Variants in TMEM131L observed in about 807,000 individuals in gnomAD.
TMEM131L encodes transmembrane protein 131-like.
TMEM131L carries 54 observed loss-of-function variants against 192.2 expected under a neutral mutation model. The ratio of observed to expected loss-of-function variants is 0.28; its 90% CI spans 0.23 to 0.35. The LOEUF is 0.35. Among genes scored for constraint, TMEM131L ranks in the 10% least tolerant of loss-of-function variants. The probability of loss-of-function intolerance (pLI) is 1.00; values close to 1 mark genes in which losing one functional copy is unlikely to be tolerated. For synonymous variants in TMEM131L, 701 were observed against 704.9 expected (o/e 0.99, Z 0.09); for missense variants, 1,888 against 1,972.9 (o/e 0.96, Z 0.82).
chr4:153,587,637 A>C, intron 14 of TMEM131L, 105 bp from the exon 15 acceptor site: 2 of 805,804 alleles, frequency 2.5e-6, no homozygotes, highest in East Asian at 2.5e-5. Flanking sequence ...GTTAAAGGGA[A>C]GTTCACTGAG....
intron 2 of TMEM131L, among the ~76,000 whole-genome samples, chr4:153,472,884 G>C (rs1206130393): frequency 6.6e-6 from 1 of 152,346 alleles, no homozygotes; most frequent in African/African-American, 2.4e-5. Context: ...CCACAGTCAA[G>C]TGCTGAAATA....
chr4:153,534,623 C>T (rs1261111221), intron 3 of TMEM131L, among the ~76,000 whole-genome samples: 4 of 152,000 alleles, frequency 2.6e-5, no homozygotes, highest in East Asian at 1.9e-4. Flanking sequence ...TTAGTAGAGA[C>T]GGGATTTCAC....
chr4:153,480,136 G>A lies in TMEM131L; in HGVS notation c.239+6248G>A, dbSNP rs574620239. Among the ~76,000 whole-genome samples the A allele has an allele frequency of 3.3e-5, 5 of 152,216 alleles. No individual in the cohort carries two copies. In the South Asian group the frequency reaches 8.3e-4, roughly 25 times the overall value. On this transcript the variant is annotated intron_variant, in intron 3 of 34. Coordinates refer to ENST00000409959, the MANE Select transcript of TMEM131L (RefSeq NM_001131007.2). Reference sequence around the variant, plus strand: ...GGGCAGATCAGGAGGTCAGGAGATCGAGACCATCCTGGCTAACAGGGTGAA... The same window carrying A: ...GGGCAGATCAGGAGGTCAGGAGATCAAGACCATCCTGGCTAACAGGGTGAA...
intron 31 of TMEM131L, 182 bp from the exon 32 acceptor site, chr4:153,632,536 A>C: frequency 1.6e-6 from 1 of 638,900 alleles, no homozygotes; most frequent in Non-Finnish European, 2.6e-6. Flanking sequence ...CTGTCTGAAG[A>C]AACGGTCAAA....
At chr4:153,623,114 C>T (rs564338122) in intron 29 of TMEM131L, 31 bp downstream of exon 29, 103 of 1,539,298 alleles carry the variant, frequency 6.7e-5, no homozygotes, top group East Asian at 4.3e-4. Flanking sequence ...CAGGCACTCT[C>T]GGTGGCCCTT....
At chr4:153,499,502 C>T (rs565500936) in intron 3 of TMEM131L, among the ~76,000 whole-genome samples, 3 of 151,466 alleles carry the variant, frequency 2.0e-5, no homozygotes, top group Admixed American at 1.3e-4. Flanking sequence ...TCTCAGCTCA[C>T]TACAACCTCT....
chr4:153,581,321 A>C, intron 8 of TMEM131L, 86 bp from the exon 9 acceptor site: 1 of 1,090,246 alleles, frequency 9.2e-7, no homozygotes, highest in Non-Finnish European at 1.3e-6. Context: ...CCATTACGTT[A>C]AATGCTTCTC....
chr4:153,550,528 G>A lies in TMEM131L; in HGVS notation c.308+387G>A, dbSNP rs147008356. Among the ~76,000 whole-genome samples the A allele has an allele frequency of 6.0e-3, 910 of 152,118 alleles. 11 individuals carry two copies. The highest frequency in any genetic ancestry group is 0.021 in the African/African-American group (852 of 41,496). ...TTTTTAGTAGAGACGGGGTTTCACC[G>A]TGTTCGCCAGGATGGTCTTGATCTC... On this transcript the variant is annotated intron_variant, in intron 4 of 34. Coordinates refer to ENST00000409959, the MANE Select transcript of TMEM131L (RefSeq NM_001131007.2).
chr4:153,528,324 A>G (rs1259141598), intron 3 of TMEM131L, among the ~76,000 whole-genome samples: 1 of 152,252 alleles, frequency 6.6e-6, no homozygotes, highest in Non-Finnish European at 1.5e-5. Flanking sequence ...GTGATAAAAC[A>G]TAAGTTTTGT....
At chr4:153,580,161 G>C (rs1730238466) in intron 7 of TMEM131L, among the ~76,000 whole-genome samples, 3 of 152,066 alleles carry the variant, frequency 2.0e-5, no homozygotes, top group African/African-American at 7.2e-5. Flanking sequence ...TCCTACCCAA[G>C]GTTGTATCCC....
chr4:153,487,929 G>A (rs969260604), intron 3 of TMEM131L, among the ~76,000 whole-genome samples: 1 of 151,482 alleles, frequency 6.6e-6, no homozygotes, highest in Non-Finnish European at 1.5e-5. Context: ...TTGTGAGTGC[G>A]AGAGAGCAGA....
Position 153,571,196 on chromosome 4 carries a change from C to T in TMEM131L, c.661-9630C>T, listed in dbSNP as rs1729566277. Among the ~76,000 whole-genome samples the T allele has an allele frequency of 3.3e-5, 5 of 152,168 alleles. No homozygotes were observed. The South Asian group carries it at 8.3e-4, about 25-fold the overall frequency. On this transcript the variant is annotated intron_variant, in intron 7 of 34. Transcript: ENST00000409959. ...CTGTTTGTTGCGTTGCATAATCTTACATAAGAGATACTCTCCTGTCAGCCC... is the reference window on the plus strand; with the variant it reads ...CTGTTTGTTGCGTTGCATAATCTTATATAAGAGATACTCTCCTGTCAGCCC...
chr4:153,582,520 C>A (rs528071454), intron 9 of TMEM131L, among the ~76,000 whole-genome samples: 1 of 127,262 alleles, frequency 7.9e-6, no homozygotes, highest in South Asian at 2.7e-4. Context: ...CTCAAGCATT[C>A]CTCCCCGCTT....
At chr4:153,573,862 T>G (rs1026037576) in intron 7 of TMEM131L, among the ~76,000 whole-genome samples, 3 of 152,234 alleles carry the variant, frequency 2.0e-5, no homozygotes, top group Admixed American at 2.0e-4. Flanking sequence ...GGAAAAATGC[T>G]TCCCCCAAGC....
At chr4:153,551,983 C>T (rs1334944728) in intron 4 of TMEM131L, among the ~76,000 whole-genome samples, 2 of 151,758 alleles carry the variant, frequency 1.3e-5, no homozygotes, top group African/African-American at 2.4e-5. Context: ...CCGGGCTGGG[C>T]GGATCACTTG....
intron 19 of TMEM131L, among the ~76,000 whole-genome samples, chr4:153,594,883 C>G (rs1204634376): frequency 4.6e-5 from 7 of 152,110 alleles, no homozygotes; most frequent in Non-Finnish European, 8.8e-5. Context: ...CAAGGCTATT[C>G]AGGATAATTA....
At chr4:153,590,902 C>T (rs982415510) in intron 16 of TMEM131L, 151 bp from the exon 17 acceptor site, 4 of 404,516 alleles carry the variant, frequency 9.9e-6, no homozygotes, top group South Asian at 7.4e-5. Context: ...ACTTTCCCAT[C>T]CCCAGACCTA....
intron 3 of TMEM131L, among the ~76,000 whole-genome samples, chr4:153,541,949 A>G (rs1196959997): frequency 6.6e-6 from 1 of 152,222 alleles, no homozygotes; most frequent in Non-Finnish European, 1.5e-5. Context: ...TCAGGCGGGT[A>G]AATCTGGAGA....
chr4:153,543,825 G>A (rs148839413), intron 3 of TMEM131L, among the ~76,000 whole-genome samples: 292 of 152,290 alleles, frequency 1.9e-3, no homozygotes, highest in African/African-American at 6.4e-3. Flanking sequence ...GGAGTCTCCA[G>A]GTCTCTTCCA....
Sources: gnomAD v4.1 joint callset for allele counts (sites outside exome capture counted in the v4.1 genomes callset) on GRCh38, gnomAD v4.1.1 for gene constraint, MANE v1.5 for transcripts, NCBI Gene and HGNC (gene_info 2026-07-23, HGNC 2026-07-21) for gene names.